Variants in SBF1 observed in about 807,000 individuals in gnomAD.
SBF1 encodes myotubularin-related protein 5.
Under a neutral mutation model 215.8 loss-of-function variants are expected in SBF1, and 65 were observed. That is an observed-to-expected ratio of 0.30 (90% CI 0.25 to 0.37). SBF1 has a LOEUF of 0.37. SBF1 is among the 10% of genes least tolerant of loss of function. The probability of loss-of-function intolerance (pLI) is 1.00; values close to 1 mark genes in which losing one functional copy is unlikely to be tolerated. For synonymous variants in SBF1, 1,410 were observed against 1,122.8 expected (o/e 1.26, Z -5.11); for missense variants, 2,634 against 2,667.8 (o/e 0.99, Z 0.28).
In SBF1 at chr22:50,463,390, G is replaced by A. The variant is rs750270208; in HGVS notation, c.1792C>T (p.Arg598Cys). Reference protein sequence around the residue: ...VLRALKGRAARRCLAQELHLH... With the variant: ...VLRALKGRAACRCLAQELHLH... Reference sequence around the variant, plus strand: ...TGCAGCTCCTGGGCGAGGCAGCGGCGGGCAGCTCGCCCCTTCAGGGCCCTC... The same window carrying A: ...TGCAGCTCCTGGGCGAGGCAGCGGCAGGCAGCTCGCCCCTTCAGGGCCCTC... The change falls in exon 16 of 41, where the codon CGC (arginine) becomes TGC (cysteine). Residue 598 changes from arginine (R) to cysteine (C), a missense_variant. Transcript: ENST00000380817. The A allele has an allele frequency of 3.4e-5, 54 of 1,594,122 alleles. No individual in the cohort carries two copies. The highest frequency in any genetic ancestry group is 1.1e-4 in the East Asian group (5 of 43,812).
At position 50,456,687 on chromosome 22, in the gene SBF1, G is replaced by A. The variant is rs1008357599; in HGVS notation, c.3905-14C>T. On this transcript the variant is annotated splice_polypyrimidine_tract_variant and intron_variant, in intron 29 of 40. Transcript: ENST00000380817. ...TGCCCCACTTACCTGTGAAGGAGATGCCAGGTAAGCACCCAAAGGGGGCCA... is the reference window on the plus strand; with the variant it reads ...TGCCCCACTTACCTGTGAAGGAGATACCAGGTAAGCACCCAAAGGGGGCCA... The A allele has an allele frequency of 2.7e-6, 4 of 1,459,468 alleles. No homozygotes were observed. The highest frequency in any genetic ancestry group is 5.5e-5 in the Admixed American group (2 of 36,532). 90.4% of individuals were successfully genotyped at this position (1,459,468 alleles called of 1,614,324 possible). A position where few individuals can be genotyped will look rare whatever the true frequency, so the allele number is the denominator to read the frequency against.
At chr22:50,453,308 A>C (rs2067120042) in intron 36 of SBF1, among the ~76,000 whole-genome samples, 1 of 152,244 alleles carries the variant, frequency 6.6e-6, no homozygotes, top group African/African-American at 2.4e-5. Flanking sequence ...GCTAGAGAGA[A>C]AAAGGGACTG....
Position 50,474,814 on chromosome 22 carries a change from C to G in SBF1, c.27G>C (p.Val9=). 6.9e-7 allele frequency: 1 copy of G among 1,447,522 alleles called. No individual in the cohort carries two copies. The highest frequency in any genetic ancestry group is 9.1e-7 in the Non-Finnish European group (1 of 1,103,200). 89.7% of individuals were successfully genotyped at this position (1,447,522 alleles called of 1,614,324 possible). MARLADYF[V]LVAFGPHPRG... Reference sequence around the variant, plus strand: ...GCGGGTGCGGCCCGAACGCCACCAGCACGAAGTAGTCCGCGAGCCGCGCCA... The same window carrying G: ...GCGGGTGCGGCCCGAACGCCACCAGGACGAAGTAGTCCGCGAGCCGCGCCA... Residue 9 remains valine (V), a synonymous_variant, in exon 1 of 41, where the codon GTG becomes GTC. Coordinates refer to ENST00000380817, the MANE Select transcript of SBF1 (RefSeq NM_002972.4).
intron 30 of SBF1, 44 bp from the exon 31 acceptor site, chr22:50,456,439 A>C (rs773596850): frequency 1.9e-6 from 3 of 1,591,620 alleles, no homozygotes; most frequent in Non-Finnish European, 2.6e-6. Context: ...ATGAGGCCCC[A>C]AGCCCCCTGC....
At chr22:50,454,292 T>C (rs913770728) in intron 36 of SBF1, among the ~76,000 whole-genome samples, 5 of 152,086 alleles carry the variant, frequency 3.3e-5, no homozygotes, top group Admixed American at 1.3e-4. Context: ...CTCCTGTCAC[T>C]GTCTGGAAGC....
Position 50,464,872 on chromosome 22 carries a change from G to T in SBF1, c.1378C>A (p.Pro460Thr). ...TGGACGTGACGCAGGACACGCTGGG[G>T]GTGGTTCTCATCCGCCCGCATCCTT... The part of the protein sequence containing the change: ...VARMRADENH[P>T]QRVLRHVQEL... Residue 460 changes from proline to threonine, a missense_variant, in exon 13 of 41, where the codon CCC (proline) becomes ACC (threonine). Physicochemically the swap from Pro to Thr is conservative, Grantham distance 38. Coordinates refer to ENST00000380817, the MANE Select transcript of SBF1 (RefSeq NM_002972.4). 6.2e-7 allele frequency: 1 copy of T among 1,613,718 alleles called. No individual in the cohort carries two copies. Among genetic ancestry groups the T allele is most frequent in the Non-Finnish European group, 8.5e-7 (1 of 1,180,020 alleles).
chr22:50,467,274 A>C (rs1603434237), intron 5 of SBF1, 64 bp downstream of exon 5: 1 of 1,387,582 alleles, frequency 7.2e-7, no homozygotes, highest in Non-Finnish European at 1.0e-6. Context: ...GGCTCCAAAT[A>C]CCTACCAGGG....
Position 50,474,728 on chromosome 22 carries a change from TGGCCCTCAGCACTCGACCCTCGGCCCCC to T in SBF1, c.55+30_55+57del, listed in dbSNP as rs1010286464. On this transcript the variant is annotated intron_variant, in intron 1 of 40. Coordinates refer to ENST00000380817, the MANE Select transcript of SBF1 (RefSeq NM_002972.4). Reference sequence around the variant, plus strand: ...GCCCTCGACCCTCAGACCCAGCCCCTGGCCCTCAGCACTCGACCCTCGGCCCCCGGCCCTCAGCGCTTGGCCTCGGCAC... The same window carrying T: ...GCCCTCGACCCTCAGACCCAGCCCCTGGCCCTCAGCGCTTGGCCTCGGCAC... 3.1e-5 allele frequency: 36 copies of T among 1,177,804 alleles called. No homozygotes were observed. In the East Asian group the frequency reaches 5.5e-4, roughly 18 times the overall value. 73.0% of individuals were successfully genotyped at this position (1,177,804 alleles called of 1,614,324 possible).
Position 50,447,106 on chromosome 22 carries a change from G to A in SBF1, c.*36C>T, listed in dbSNP as rs549633511. On this transcript the variant is annotated 3_prime_UTR_variant, in exon 41 of 41. Coordinates refer to ENST00000380817, the MANE Select transcript of SBF1 (RefSeq NM_002972.4). ...CTGCCCACCCCTAGTGGTCGGTAAC[G>A]ACCGGAAGCAGAGCAGCCGGGCAGG... 37 of 1,578,334 alleles carry A rather than the reference G, an allele frequency of 2.3e-5. No homozygotes were observed. The highest frequency in any genetic ancestry group is 4.2e-4 in the Middle Eastern group (2 of 4,780).
At chr22:50,464,780 A>G (rs1391811744) in intron 13 of SBF1, 39 bp downstream of exon 13, 1 of 1,611,914 alleles carries the variant, frequency 6.2e-7, no homozygotes, top group East Asian at 2.2e-5. Context: ...CCCAGGGATC[A>G]AGGCGGTACG....
rs754979607 is a variant in SBF1, at chr22:50,447,275, C to A, written c.5584-35G>T. 9 of 1,613,398 alleles carry A rather than the reference C, an allele frequency of 5.6e-6. No homozygotes were observed. In the South Asian group the frequency reaches 6.6e-5, roughly 12 times the overall value. On this transcript the variant is annotated intron_variant, in intron 40 of 40. Transcript: ENST00000380817. ...GGCGGGTTACTGACTCCGCAGCCCC[C>A]ACACCGCAGAGCCCCTCCCCTCTCC...
chr22:50,466,753 C>CCAGCCCAGAGT (rs1569513925), intron 5 of SBF1, 43 bp from the exon 6 acceptor site: 2 of 1,389,590 alleles, frequency 1.4e-6, no homozygotes, highest in Admixed American at 2.3e-5. Context: ...TTGGCCAGAG[C>CCAGCCCAGAGT]CAGCCCAGAG....
Position 50,455,041 on chromosome 22 carries a change from G to A in SBF1, c.4656C>T (p.Asp1552=), listed in dbSNP as rs2067193231. 2.5e-6 allele frequency: 4 copies of A among 1,614,170 alleles called. No individual in the cohort carries two copies. The highest frequency in any genetic ancestry group is 3.4e-6 in the Non-Finnish European group (4 of 1,180,028). The change falls in exon 34 of 41, where the codon GAC becomes GAT. Residue 1552 remains aspartate, a synonymous_variant. Transcript: ENST00000380817. ...CCAGCTCAATGCGCTCATAGTCAGAGTCGAGCAGGAAGGTCCGGAAACGGC... is the reference window on the plus strand; with the variant it reads ...CCAGCTCAATGCGCTCATAGTCAGAATCGAGCAGGAAGGTCCGGAAACGGC... The part of the protein sequence containing the change: ...VSRRFRTFLL[D]SDYERIELGL...
chr22:50,474,723 G>T, intron 1 of SBF1, 63 bp downstream of exon 1: 1 of 1,288,542 alleles, frequency 7.8e-7, no homozygotes, highest in Non-Finnish European at 1.0e-6. Flanking sequence ...CTCAGACCCA[G>T]CCCCTGGCCC....
Position 50,454,866 on chromosome 22 carries a change from C to T in SBF1, c.4760G>A (p.Ser1587Asn), listed in dbSNP as rs1197304284. Residue 1587 changes from serine (S) to asparagine (N), a missense_variant, in exon 35 of 41, where the codon AGC (serine) becomes AAC (asparagine). By Grantham distance (46) the Ser-to-Asn change is conservative (BLOSUM62 1). Transcript: ENST00000380817. ...RSVWEYVDRLSKRTPVFHNYM... is the reference protein window; with the variant it reads ...RSVWEYVDRLNKRTPVFHNYM... ...ATTGTGGAACACAGGCGTCCTCTTG[C>T]TCAGCCGGTCCACATACTCCCACAC... 3 of 1,614,118 alleles carry T rather than the reference C, an allele frequency of 1.9e-6. No homozygotes were observed. The highest frequency in any genetic ancestry group is 2.2e-5 in the East Asian group (1 of 44,882).
chr22:50,452,523 A>T (rs1471720873), intron 36 of SBF1, among the ~76,000 whole-genome samples: 2 of 152,038 alleles, frequency 1.3e-5, no homozygotes, highest in Non-Finnish European at 2.9e-5. Context: ...GTTTGAGACT[A>T]GCCTGGCCAA....
In SBF1 at chr22:50,465,085, C is replaced by T; in HGVS notation, c.1248G>A (p.Leu416=). ...GQRGLVEDDF[L]MKVLEGMAFA... ...AGGCCATGCCCTCCAGCACCTTCAT[C>T]AGGAAATCGTCCTCTACCAGCCCAC... The change falls in exon 12 of 41, where the codon CTG becomes CTA. Residue 416 remains leucine (L), a synonymous_variant. Coordinates refer to ENST00000380817, the MANE Select transcript of SBF1 (RefSeq NM_002972.4). 2 of 1,614,120 alleles carry T rather than the reference C, an allele frequency of 1.2e-6. No homozygotes were observed. The highest frequency in any genetic ancestry group is 1.7e-6 in the Non-Finnish European group (2 of 1,180,016).
chr22:50,462,504 C>T (rs775825004), intron 18 of SBF1, 31 bp from the exon 19 acceptor site: 2 of 1,611,638 alleles, frequency 1.2e-6, no homozygotes, highest in Non-Finnish European at 8.5e-7. Context: ...TGAGCCGGGG[C>T]CACGCTGCCC....
chr22:50,472,400 G>A (rs190246159), intron 1 of SBF1, among the ~76,000 whole-genome samples: 2 of 152,138 alleles, frequency 1.3e-5, no homozygotes, highest in Non-Finnish European at 2.9e-5. Flanking sequence ...CAACCCAAGA[G>A]ACCCTGCATC....
Sources: allele counts gnomAD v4.1 joint callset (sites outside exome capture counted in the v4.1 genomes callset), GRCh38; gene constraint gnomAD v4.1.1; transcripts MANE v1.5; gene names NCBI Gene and HGNC (gene_info 2026-07-23, HGNC 2026-07-21).